CYP2F1: variants seen among roughly 807,000 people sequenced by gnomAD.
CYP2F1 encodes the protein cytochrome P450 family 2 subfamily F member 1, also known as cytochrome P450 2F1.
In CYP2F1, 33 loss-of-function variants were observed where a neutral mutation model predicts 40.4. That is an observed-to-expected ratio of 0.82 (90% CI 0.62 to 1.09). CYP2F1 has a LOEUF of 1.09. CYP2F1 is among the 50% of genes least tolerant of loss of function. CYP2F1 has a pLI of 0.00. For synonymous variants in CYP2F1, 235 were observed against 277.2 expected (o/e 0.85, Z 1.51); for missense variants, 566 against 655.7 (o/e 0.86, Z 1.49).
chr19:41,123,432 G>A (rs2032353104), intron 7 of CYP2F1: 1 of 343,686 alleles, frequency 2.9e-6, no homozygotes, highest in East Asian at 7.9e-5. Context: ...TGGCCAGGCT[G>A]GTCTCAAACT....
intron 3 of CYP2F1, among the ~76,000 whole-genome samples, chr19:41,119,791 A>G (rs1321684452): frequency 7.9e-6 from 1 of 127,116 alleles, no homozygotes; most frequent in Non-Finnish European, 1.6e-5. Context: ...ACACATATAT[A>G]TTAGGTGGGC....
At chr19:41,126,257 C>G (rs1054927043) in intron 9 of CYP2F1, among the ~76,000 whole-genome samples, 1 of 151,596 alleles carries the variant, frequency 6.6e-6, no homozygotes, top group Non-Finnish European at 1.5e-5. Context: ...GAAACCCTGT[C>G]TCTACTAAAA....
intron 3 of CYP2F1, 130 bp downstream of exon 3, chr19:41,116,747 A>G (rs2031837114): frequency 6.6e-6 from 7 of 1,056,376 alleles, no homozygotes; most frequent in Admixed American, 2.6e-5. Context: ...ACCAAATGCA[A>G]TGCAGCGAGG....
chr19:41,119,748 T>TATATACACACACACAC (rs1337166345), intron 3 of CYP2F1, among the ~76,000 whole-genome samples: 3 of 36,102 alleles, frequency 8.3e-5, no homozygotes, highest in Non-Finnish European at 4.9e-5. Flanking sequence ...TATATATATA[T>TATATACACACACACAC]ACACACACAC....
chr19:41,116,353 C>T lies in CYP2F1; in HGVS notation c.165C>T (p.Leu55=). ...LLCSQDMLTS[L]TKLSKEYGSM... ...GCTCCCAAGACATGCTGACTTCTCT[C>T]ACTAAGGTGCAAGGCCCTTAGCTTG... Residue 55 remains leucine, a synonymous_variant, in exon 2 of 10, where the codon CTC becomes CTT. Transcript: ENST00000331105. 1 of 1,614,050 alleles carries T rather than the reference C, an allele frequency of 6.2e-7. No individual in the cohort carries two copies. The highest frequency in any genetic ancestry group is 8.5e-7 in the Non-Finnish European group (1 of 1,179,948).
chr19:41,120,480 G>A lies in CYP2F1; in HGVS notation c.468G>A (p.Glu156=). 1.9e-6 allele frequency: 3 copies of A among 1,613,114 alleles called. No homozygotes were observed. The highest frequency in any genetic ancestry group is 2.5e-6 in the Non-Finnish European group (3 of 1,179,758). The change falls in exon 4 of 10, where the codon GAG becomes GAA. Residue 156 remains glutamate, a synonymous_variant. Transcript: ENST00000331105. ...ILEEGSFLLA[E]LRKTEGEPFD... ...AGGAGGGCAGCTTCCTGCTGGCGGA[G>A]CTGCGGAAAACTGAAGGTCAGGAAT...
intron 7 of CYP2F1, among the ~76,000 whole-genome samples, chr19:41,124,255 C>CT (rs61661824): frequency 1.7e-4 from 6 of 35,250 alleles, no homozygotes; most frequent in African/African-American, 2.4e-4. Flanking sequence ...TCCCCCCCCC[C>CT]TTTTTTTTTT....
In CYP2F1 at chr19:41,120,409, C is replaced by T. The variant is rs372092393; in HGVS notation, c.397C>T (p.Arg133Trp). ...GAGACAGTTCTCTATCCAGATTCTA[C>T]GGAATTTCGGGATGGGGAAGAGAAG... ...VLRQFSIQIL[R>W]NFGMGKRSIE... The change falls in exon 4 of 10, where the codon CGG becomes TGG. Residue 133 changes from arginine to tryptophan, a missense_variant. By Grantham distance (101) the Arg-to-Trp change is moderately radical (BLOSUM62 -3). This residue lies in a region of CYP2F1 where 264 missense variants were observed against 275.7 expected (regional missense o/e 0.96). Transcript: ENST00000331105. The T allele has an allele frequency of 4.3e-5, 70 of 1,613,838 alleles. No individual in the cohort carries two copies. The highest frequency in any genetic ancestry group is 3.5e-4 in the African/African-American group (26 of 74,888).
At chr19:41,120,140 T>C (rs2032101412) in intron 3 of CYP2F1, among the ~76,000 whole-genome samples, 1 of 151,128 alleles carries the variant, frequency 6.6e-6, no homozygotes, top group South Asian at 2.1e-4. Context: ...AGAGGCAGAG[T>C]GATAGGATGG....
At position 41,116,247 on chromosome 19, in the gene CYP2F1, T is replaced by G. The variant is rs1183376057; in HGVS notation, c.59T>G (p.Leu20Arg). The change falls in exon 2 of 10, where the codon CTG becomes CGG. Residue 20 changes from leucine to arginine, a missense_variant. By Grantham distance (102) the Leu-to-Arg change is moderately radical (BLOSUM62 -2). This residue lies in a region of CYP2F1 where 264 missense variants were observed against 275.7 expected (regional missense o/e 0.96). Coordinates refer to ENST00000331105, the MANE Select transcript of CYP2F1 (RefSeq NM_000774.5). Reference sequence around the variant, plus strand: ...CTCCTGGCTCTCGTCTGTCTGCTCCTGACCCTAAGCTCAAGAGATAAGGGA... The same window carrying G: ...CTCCTGGCTCTCGTCTGTCTGCTCCGGACCCTAAGCTCAAGAGATAAGGGA... ...LLLLALVCLLLTLSSRDKGKL... is the reference protein window; with the variant it reads ...LLLLALVCLLRTLSSRDKGKL... 1 of 1,614,144 alleles carries G rather than the reference T, an allele frequency of 6.2e-7. No individual in the cohort carries two copies. Among genetic ancestry groups the G allele is most frequent in the South Asian group, 1.1e-5 (1 of 91,076 alleles).
intron 1 of CYP2F1, among the ~76,000 whole-genome samples, chr19:41,114,932 A>G (rs938169739): frequency 1.3e-5 from 2 of 150,822 alleles, no homozygotes; most frequent in African/African-American, 4.9e-5. Context: ...ACCACGCCTG[A>G]CTAATTTTTG....
At chr19:41,119,958 A>G (rs2032089280) in intron 3 of CYP2F1, among the ~76,000 whole-genome samples, 1 of 151,554 alleles carries the variant, frequency 6.6e-6, no homozygotes, top group Non-Finnish European at 1.5e-5. Context: ...AATAATCATC[A>G]TCAATAAGTA....
chr19:41,127,528 C>A (rs1433126445), intron 9 of CYP2F1, among the ~76,000 whole-genome samples: 1 of 152,098 alleles, frequency 6.6e-6, no homozygotes, highest in Non-Finnish European at 1.5e-5. Context: ...GAGATGGGAT[C>A]TTGCTGTGTT....
rs150199114 is a variant in CYP2F1, at chr19:41,120,072, G to A, written c.335-275G>A. Among the ~76,000 whole-genome samples, 663 of 152,176 alleles carry A rather than the reference G, an allele frequency of 4.4e-3. 2 individuals are homozygous for A. The highest frequency in any genetic ancestry group is 0.015 in the African/African-American group (618 of 41,540). ...TCTGCCTTCACAGTTCTGTGAAGGA[G>A]ACAGCCCCATCACCAGACAGTAACA... is the stretch of plus-strand genomic sequence containing the variant. On this transcript the variant is annotated intron_variant, in intron 3 of 9. Coordinates refer to ENST00000331105, the MANE Select transcript of CYP2F1 (RefSeq NM_000774.5).
intron 3 of CYP2F1, among the ~76,000 whole-genome samples, chr19:41,119,723 CTA>C (rs1290627675): frequency 1.5e-3 from 55 of 35,794 alleles, no homozygotes; most frequent in East Asian, 3.4e-3. Context: ...CTCTCTCTCT[CTA>C]TATATATATA....
intron 9 of CYP2F1, among the ~76,000 whole-genome samples, chr19:41,127,012 G>A (rs1451815365): frequency 6.6e-6 from 1 of 152,150 alleles, no homozygotes; most frequent in East Asian, 1.9e-4. Flanking sequence ...ATTGCCTACT[G>A]TGCGTCAAGT....
At chr19:41,120,979 T>C (rs1465953259) in intron 4 of CYP2F1, among the ~76,000 whole-genome samples, 2 of 151,916 alleles carry the variant, frequency 1.3e-5, no homozygotes, top group East Asian at 3.9e-4. Flanking sequence ...TACTAGCGTG[T>C]GTTGTGTGGC....
chr19:41,119,683 G>GTCTCTCTCTCTCTCTCTC (rs1159535426), intron 3 of CYP2F1, among the ~76,000 whole-genome samples: 4 of 13,414 alleles, frequency 3.0e-4, no homozygotes, highest in Non-Finnish European at 5.5e-4. Flanking sequence ...GCAAGACTCC[G>GTCTCTCTCTCTCTCTCTC]TCTCTCTCTC....
chr19:41,119,378 C>A (rs12462215), intron 3 of CYP2F1, among the ~76,000 whole-genome samples: 23 of 151,770 alleles, frequency 1.5e-4, no homozygotes, highest in Non-Finnish European at 3.1e-4. Flanking sequence ...TTTGGGAGGC[C>A]GAGGTGAGTG....
Sources: allele counts gnomAD v4.1 joint callset (sites outside exome capture counted in the v4.1 genomes callset), GRCh38; gene constraint gnomAD v4.1.1; regional missense constraint gnomAD v4.1.1; transcripts MANE v1.5; gene names NCBI Gene and HGNC (gene_info 2026-07-23, HGNC 2026-07-21).